UTY: variants seen among roughly 807,000 people sequenced by gnomAD.
UTY encodes ubiquitously transcribed tetratricopeptide repeat containing, Y-linked.
UTY carries 12 observed loss-of-function variants against 32.5 expected under a neutral mutation model. The observed-to-expected ratio is 0.37, with a 90% CI of 0.24 to 0.60. The LOEUF is 0.60. UTY is among the 20% of genes least tolerant of loss of function. The pLI is 0.69. For missense variants in UTY, 303 were observed against 299.2 expected (o/e 1.01, Z -0.09); for synonymous variants, 131 against 103.4 (o/e 1.27, Z -1.62).
At chrY:13,452,028 A>T in intron 3 of UTY, among the ~76,000 whole-genome samples, 1 of 33,695 alleles carries the variant, frequency 3.0e-5, no homozygotes. Context: ...GAACTTTAAC[A>T]TTCACCTAGC....
chrY:13,407,222 T>C (rs1043180569), intron 6 of UTY, among the ~76,000 whole-genome samples: 1 of 32,231 alleles, frequency 3.1e-5, no homozygotes, highest in Non-Finnish European at 7.7e-5. Context: ...ATCAGTAATA[T>C]CACCTATAGT....
chrY:13,234,273 C>A (rs2053831841), downstream of UTY, among the ~76,000 whole-genome samples: 1 of 34,440 alleles, frequency 2.9e-5, no homozygotes, highest in Non-Finnish European at 7.3e-5. Context: ...GGCATAGGCA[C>A]CAGCTCTCTG....
intron 4 of UTY, among the ~76,000 whole-genome samples, chrY:13,439,576 A>C (rs2074993967): frequency 3.0e-5 from 1 of 33,277 alleles, no homozygotes; most frequent in African/African-American, 1.2e-4. Flanking sequence ...CGGACAATAA[A>C]GCAACTGTTT....
chrY:13,382,937 A>G, intron 8 of UTY, among the ~76,000 whole-genome samples: 1 of 33,717 alleles, frequency 3.0e-5, no homozygotes, highest in African/African-American at 1.2e-4. Context: ...AAACTTATAA[A>G]AGTTTGTCGG....
intron 3 of UTY, among the ~76,000 whole-genome samples, chrY:13,457,117 T>A (rs772896542): frequency 3.0e-5 from 1 of 33,575 alleles, no homozygotes; most frequent in East Asian, 7.6e-4. Flanking sequence ...GGTATTCAGT[T>A]TTTCAAAACT....
At chrY:13,330,556 G>T in intron 18 of UTY, among the ~76,000 whole-genome samples, 1 of 33,677 alleles carries the variant, frequency 3.0e-5, no homozygotes, top group African/African-American at 1.2e-4. Context: ...ATACCACAAG[G>T]GTCCTGGGTT....
chrY:13,297,852 G>C lies in UTY; in HGVS notation c.3869-4C>G, dbSNP rs1397028106. The C allele has an allele frequency of 2.6e-6, 1 of 391,327 alleles. No homozygotes were observed. The highest frequency in any genetic ancestry group is 3.0e-5 in the South Asian group (1 of 33,291). On this transcript the variant is annotated splice_region_variant and splice_polypyrimidine_tract_variant and intron_variant, in intron 26 of 29. Coordinates refer to ENST00000545955, the MANE Select transcript of UTY (RefSeq NM_001258249.2). ...ACTGCCAATTTATACTGGCAGGCTA[G>C]AAGGAAAAAAGCAACAGTCATAAAG...
At chrY:13,325,296 G>C in intron 19 of UTY, among the ~76,000 whole-genome samples, 1 of 32,740 alleles carries the variant, frequency 3.1e-5, no homozygotes, top group Non-Finnish European at 7.5e-5. Context: ...TTTCAACTAG[G>C]TAAAAAATTA....
intron 27 of UTY, among the ~76,000 whole-genome samples, chrY:13,263,540 A>C: frequency 2.9e-5 from 1 of 34,205 alleles, no homozygotes; most frequent in South Asian, 6.4e-4. Context: ...TCCTTGAAAC[A>C]GATTTCATCT....
chrY:13,297,560 T>C, intron 27 of UTY, 147 bp downstream of exon 27: 1 of 330,810 alleles, frequency 3.0e-6, no homozygotes, highest in Non-Finnish European at 4.2e-6. Context: ...CTTATGAATA[T>C]ATAAGATTAT....
At chrY:13,434,558 G>T (rs1021999361) in intron 4 of UTY, among the ~76,000 whole-genome samples, 1 of 33,729 alleles carries the variant, frequency 3.0e-5, no homozygotes, top group African/African-American at 1.2e-4. Flanking sequence ...TACATGGAAA[G>T]GTTCATATAA....
At chrY:13,243,488 C>T, downstream of UTY, among the ~76,000 whole-genome samples, 1 of 32,503 alleles carries the variant, frequency 3.1e-5, no homozygotes, top group Non-Finnish European at 7.5e-5. Context: ...AAAGCTTCTG[C>T]ACAGCTAAGG....
intron 6 of UTY, among the ~76,000 whole-genome samples, chrY:13,398,950 T>G: frequency 3.0e-5 from 1 of 33,222 alleles, no homozygotes; most frequent in African/African-American, 1.2e-4. Context: ...CCTCGAGCAC[T>G]GAAAACAGGG....
At chrY:13,378,542 C>T (rs944414121) in intron 8 of UTY, among the ~76,000 whole-genome samples, 1 of 33,151 alleles carries the variant, frequency 3.0e-5, no homozygotes. Flanking sequence ...TGAAAAGCCA[C>T]GGCAGATGGA....
chrY:13,244,595 T>G, downstream of UTY, among the ~76,000 whole-genome samples: 4 of 32,958 alleles, frequency 1.2e-4, no homozygotes, highest in East Asian at 3.1e-3. Context: ...ATACTGATCA[T>G]TATAAAAGCT....
chrY:13,479,201 G>T, intron 2 of UTY, 53 bp downstream of exon 2: 1 of 359,021 alleles, frequency 2.8e-6, no homozygotes, highest in Non-Finnish European at 4.0e-6. Flanking sequence ...AGGAACGCGG[G>T]GCCTTGGTAG....
intron 27 of UTY, among the ~76,000 whole-genome samples, chrY:13,273,507 C>G: frequency 3.0e-5 from 1 of 33,394 alleles, no homozygotes; most frequent in African/African-American, 1.2e-4. Flanking sequence ...AACGAAAAGT[C>G]ACAGAGCTAT....
At chrY:13,251,833 C>A in intron 28 of UTY, among the ~76,000 whole-genome samples, 2 of 33,320 alleles carry the variant, frequency 6.0e-5, no homozygotes, top group African/African-American at 2.3e-4. Flanking sequence ...GAAAACATGT[C>A]TTTCAATTTC....
At chrY:13,362,225 C>T in intron 10 of UTY, among the ~76,000 whole-genome samples, 3 of 33,634 alleles carry the variant, frequency 8.9e-5, no homozygotes, top group Non-Finnish European at 1.5e-4. Context: ...CTGTGGTAAT[C>T]TAGAGTAATA....
Sources: gnomAD v4.1 joint callset for allele counts (sites outside exome capture counted in the v4.1 genomes callset) on GRCh38, gnomAD v4.1.1 for gene constraint, MANE v1.5 for transcripts, NCBI Gene and HGNC (gene_info 2026-07-23, HGNC 2026-07-21) for gene names.